Variants in ADAMTS3 observed in about 807,000 individuals in gnomAD.
The protein encoded by ADAMTS3 is A disintegrin and metalloproteinase with thrombospondin motifs 3.
In ADAMTS3, 73 loss-of-function variants were observed where a neutral mutation model predicts 129.0. The ratio of observed to expected loss-of-function variants is 0.57; its 90% confidence interval spans 0.47 to 0.69. The LOEUF (loss-of-function observed/expected upper bound fraction) is 0.69. ADAMTS3 is among the 30% of genes least tolerant of loss of function. The pLI, the probability that ADAMTS3 is intolerant of heterozygous loss-of-function variation, is 0.00. For missense variants in ADAMTS3, 1,457 were observed against 1,514.5 expected, an observed-to-expected ratio of 0.96 and a Z score of 0.63; for synonymous variants, 477 against 510.8, an observed-to-expected ratio of 0.93 and a Z score of 0.89.
chr4:72,308,784 T>C (rs1003673140), intron 15 of ADAMTS3, among the ~76,000 whole-genome samples: 2 of 151,978 alleles, frequency 1.3e-5, no homozygotes, highest in African/African-American at 4.8e-5. Flanking sequence ...CTTCAGTGTA[T>C]GTCTAAGTTC....
intron 18 of ADAMTS3, among the ~76,000 whole-genome samples, chr4:72,296,366 A>T (rs1946653): frequency 0.011 from 1,721 of 152,204 alleles, 41 homozygotes; most frequent in African/African-American, 0.039. Context: ...TCAGATCTTG[A>T]AAGCCTTCAG....
intron 3 of ADAMTS3, among the ~76,000 whole-genome samples, chr4:72,532,494 C>T (rs893619890): frequency 4.9e-4 from 24 of 49,118 alleles, no homozygotes; most frequent in Non-Finnish European, 7.9e-4. Context: ...TTAATATGCA[C>T]ACACACACAC....
At chr4:72,444,277 C>CA (rs1401801399) in intron 3 of ADAMTS3, among the ~76,000 whole-genome samples, 1 of 151,782 alleles carries the variant, frequency 6.6e-6, no homozygotes, top group East Asian at 2.0e-4. Flanking sequence ...AAAAGAGTCA[C>CA]AAAAATCCCA....
chr4:72,543,457 GCAAT>G (rs1395163618), intron 3 of ADAMTS3, among the ~76,000 whole-genome samples: 8 of 152,064 alleles, frequency 5.3e-5, no homozygotes, highest in Non-Finnish European at 1.5e-5. Context: ...AAATGTGGAA[GCAAT>G]CCAAGTGTCT....
Position 72,283,078 on chromosome 4 carries a change from GGGA to G in ADAMTS3, c.*55_*57del. ...CACTTTAAACAAGCATATGCACCAT[GGGA>G]AGAGAGAGGTTGTCCAGGTTTTCCT... On this transcript the variant is annotated 3_prime_UTR_variant, in exon 22 of 22. Transcript: ENST00000286657. 7.1e-7 allele frequency: 1 copy of G among 1,414,180 alleles called. No homozygotes were observed. The highest frequency in any genetic ancestry group is 9.7e-7 in the Non-Finnish European group (1 of 1,030,520). 87.6% of individuals were successfully genotyped at this position (1,414,180 alleles called of 1,614,324 possible). A position where few individuals can be genotyped will look rare whatever the true frequency, so the allele number is the denominator to read the frequency against.
intron 3 of ADAMTS3, among the ~76,000 whole-genome samples, chr4:72,433,837 T>C (rs1722755696): frequency 6.6e-6 from 1 of 151,912 alleles, no homozygotes; most frequent in African/African-American, 2.4e-5. Context: ...TCAATGATTT[T>C]GTTATTTTTA....
At chr4:72,406,388 A>G (rs1722053550) in intron 4 of ADAMTS3, among the ~76,000 whole-genome samples, 1 of 152,128 alleles carries the variant, frequency 6.6e-6, no homozygotes, top group African/African-American at 2.4e-5. Context: ...TAACGGAACT[A>G]CTTTTTCCTG....
At chr4:72,354,813 T>A (rs1720535463) in intron 4 of ADAMTS3, among the ~76,000 whole-genome samples, 1 of 152,016 alleles carries the variant, frequency 6.6e-6, no homozygotes. Flanking sequence ...TTCTGATAAT[T>A]CTTGATACAC....
chr4:72,549,977 G>A (rs1478257717), intron 2 of ADAMTS3, among the ~76,000 whole-genome samples: 2 of 28,430 alleles, frequency 7.0e-5, no homozygotes, highest in East Asian at 1.7e-3. Context: ...AGAAGAAGAA[G>A]AAGAAGAAGA....
chr4:72,308,315 T>A (rs1719141485), intron 15 of ADAMTS3, among the ~76,000 whole-genome samples: 1 of 151,900 alleles, frequency 6.6e-6, no homozygotes, highest in African/African-American at 2.4e-5. Flanking sequence ...AAGAAAAACA[T>A]TAGAATATAG....
chr4:72,311,227 T>C (rs776638306), intron 13 of ADAMTS3, 46 bp from the exon 14 acceptor site: 13 of 1,534,186 alleles, frequency 8.5e-6, no homozygotes, highest in African/African-American at 5.5e-5. Context: ...TAAAATGGAA[T>C]GTTTGAACAG....
rs1362418861 is a variant in ADAMTS3, at chr4:72,478,933, C to T, written c.505-63962G>A. 1.2e-4 allele frequency among the ~76,000 whole-genome samples: 18 copies of T among 151,856 alleles called. No individual in the cohort carries two copies. In the Middle Eastern group the frequency reaches 0.01, roughly 86 times the overall value. ...CAGAGAGCCAAATCATGAGTGAACT[C>T]CCATTCACAATTGCTTCAAAGAGAA... On this transcript the variant is annotated intron_variant, in intron 3 of 21. Coordinates refer to ENST00000286657, the MANE Select transcript of ADAMTS3 (RefSeq NM_014243.3).
intron 2 of ADAMTS3, among the ~76,000 whole-genome samples, chr4:72,558,204 C>T (rs541694044): frequency 6.6e-6 from 1 of 151,990 alleles, no homozygotes; most frequent in Admixed American, 6.5e-5. Flanking sequence ...AATAGCCTGG[C>T]TCATACTTTT....
intron 3 of ADAMTS3, among the ~76,000 whole-genome samples, chr4:72,540,233 G>A (rs1030000984): frequency 9.9e-5 from 15 of 152,132 alleles, no homozygotes; most frequent in Non-Finnish European, 8.8e-5. Flanking sequence ...GGTGACTCTT[G>A]TTATGTTTCA....
intron 4 of ADAMTS3, among the ~76,000 whole-genome samples, chr4:72,401,566 C>CAAAA (rs374322807): frequency 1.9e-3 from 70 of 37,026 alleles, no homozygotes; most frequent in African/African-American, 4.5e-3. Flanking sequence ...TACTCTGTCT[C>CAAAA]AAAAAAAAAA....
At chr4:72,401,475 G>A (rs955856175) in intron 4 of ADAMTS3, among the ~76,000 whole-genome samples, 3 of 144,474 alleles carry the variant, frequency 2.1e-5, no homozygotes, top group Non-Finnish European at 4.5e-5. Flanking sequence ...GCTGAGGTAG[G>A]AGAATCACTT....
At chr4:72,291,673 C>T (rs1163683906) in intron 19 of ADAMTS3, among the ~76,000 whole-genome samples, 2 of 151,554 alleles carry the variant, frequency 1.3e-5, no homozygotes, top group Admixed American at 6.6e-5. Context: ...GGGTTGGTTC[C>T]AAGTCTTTGC....
rs547609212 is a variant in ADAMTS3, at chr4:72,339,371, A to G, written c.861+123T>C. 15 of 801,080 alleles carry G rather than the reference A, an allele frequency of 1.9e-5. No individual in the cohort carries two copies. The East Asian group carries it at 3.4e-4, about 18-fold the overall frequency. The allele number at this position is 801,080 out of a possible 1,614,324, so 49.6% of individuals were successfully genotyped here. Reference sequence around the variant, plus strand: ...TATGTAGATCAATAATTTAAATTTAATGCCATCATGCACATATTTTGGCAC... The same window carrying G: ...TATGTAGATCAATAATTTAAATTTAGTGCCATCATGCACATATTTTGGCAC... On this transcript the variant is annotated intron_variant, in intron 5 of 21. Coordinates refer to ENST00000286657, the MANE Select transcript of ADAMTS3 (RefSeq NM_014243.3).
At chr4:72,311,344 A>AT (rs1175350480) in intron 13 of ADAMTS3, among the ~76,000 whole-genome samples, 163 bp from the exon 14 acceptor site, 1 of 146,094 alleles carries the variant, frequency 6.8e-6, no homozygotes, top group Non-Finnish European at 1.5e-5. Context: ...AAGTATGTAC[A>AT]TTTGACATTT....
Sources: allele counts gnomAD v4.1 joint callset (sites outside exome capture counted in the v4.1 genomes callset), GRCh38; gene constraint gnomAD v4.1.1; transcripts MANE v1.5; gene names NCBI Gene and HGNC (gene_info 2026-07-23, HGNC 2026-07-21).